The following KCNMB2 variants were observed in gnomAD, a reference collection of about 807,000 sequenced individuals.
KCNMB2 encodes the protein potassium calcium-activated channel subfamily M regulatory beta subunit 2, also known as calcium-activated potassium channel subunit beta-2.
A neutral mutation model predicts 24.5 loss-of-function variants in KCNMB2; 9 were observed. That is an observed-to-expected ratio of 0.37 (90% CI 0.22 to 0.64). KCNMB2 has a LOEUF of 0.64. Among genes scored for constraint, KCNMB2 ranks in the 30% least tolerant of loss-of-function variants. The pLI is 0.63. For missense variants in KCNMB2, 226 were observed against 284.3 expected, an observed-to-expected ratio of 0.79 and a Z score of 1.47; for synonymous variants, 109 against 104.4, an observed-to-expected ratio of 1.04 and a Z score of -0.27.
chr3:178,706,539 T>C (rs1722283710), intron 1 of KCNMB2, among the ~76,000 whole-genome samples: 1 of 151,924 alleles, frequency 6.6e-6, no homozygotes, highest in South Asian at 2.1e-4. Flanking sequence ...CTTTCTAATC[T>C]CCAAACTTTC....
At chr3:178,571,732 GT>G (rs1716808830) in intron 1 of KCNMB2, among the ~76,000 whole-genome samples, 2 of 151,298 alleles carry the variant, frequency 1.3e-5, no homozygotes, top group South Asian at 4.2e-4. Context: ...CCCTCCCTGT[GT>G]CCACGTGTTT....
At chr3:178,698,464 C>G (rs1038972023) in intron 1 of KCNMB2, among the ~76,000 whole-genome samples, 2 of 152,194 alleles carry the variant, frequency 1.3e-5, no homozygotes, top group African/African-American at 4.8e-5. Flanking sequence ...TTAGCCCTAT[C>G]TGGTCAGTTA....
intron 1 of KCNMB2, among the ~76,000 whole-genome samples, chr3:178,794,875 G>A (rs1245898844): frequency 2.6e-5 from 4 of 152,134 alleles, no homozygotes; most frequent in Non-Finnish European, 4.4e-5. Context: ...GGACAAATGA[G>A]GCCACATCTG....
chr3:178,739,588 T>A (rs1270193084), intron 1 of KCNMB2, among the ~76,000 whole-genome samples: 4 of 152,186 alleles, frequency 2.6e-5, no homozygotes, highest in Non-Finnish European at 5.9e-5. Context: ...TTCCTTGAAT[T>A]CAAGAGTGAT....
intron 1 of KCNMB2, among the ~76,000 whole-genome samples, chr3:178,705,075 C>A (rs552369003): frequency 3.5e-4 from 54 of 152,204 alleles, no homozygotes; most frequent in Non-Finnish European, 6.8e-4. Context: ...CCCAGACTCT[C>A]TCCCATAAAT....
At chr3:178,759,316 GATAT>G (rs775862765) in intron 1 of KCNMB2, among the ~76,000 whole-genome samples, 5,622 of 57,854 alleles carry the variant, frequency 0.097, 1,007 homozygotes, top group Non-Finnish European at 0.12. Flanking sequence ...TCTCCAAGAG[GATAT>G]ATATATATAT....
intron 1 of KCNMB2, among the ~76,000 whole-genome samples, chr3:178,612,692 C>T (rs1462694419): frequency 6.6e-6 from 1 of 151,988 alleles, no homozygotes; most frequent in Non-Finnish European, 1.5e-5. Flanking sequence ...TCTGTTCAGC[C>T]AGTCTATGTC....
intron 1 of KCNMB2, among the ~76,000 whole-genome samples, chr3:178,660,906 C>T (rs1214008089): frequency 6.6e-6 from 1 of 152,018 alleles, no homozygotes; most frequent in Non-Finnish European, 1.5e-5. Flanking sequence ...CAGACAGATC[C>T]TTCTATGTCC....
intron 1 of KCNMB2, among the ~76,000 whole-genome samples, chr3:178,537,812 C>T (rs576083674): frequency 1.3e-5 from 2 of 152,278 alleles, no homozygotes; most frequent in South Asian, 4.1e-4. Context: ...ACTTCACAAA[C>T]TCCGAGCTGT....
At chr3:178,776,310 A>G (rs1210017536) in intron 1 of KCNMB2, among the ~76,000 whole-genome samples, 1 of 152,160 alleles carries the variant, frequency 6.6e-6, no homozygotes, top group Admixed American at 6.6e-5. Context: ...CACTCTCTTT[A>G]GTCTAATCAG....
At chr3:178,821,386 G>A (rs1272520258) in intron 2 of KCNMB2, among the ~76,000 whole-genome samples, 2 of 152,122 alleles carry the variant, frequency 1.3e-5, no homozygotes, top group African/African-American at 2.4e-5. Flanking sequence ...GTCTCAGGCT[G>A]TGAACACCCT....
At chr3:178,839,407 CAGAG>C (rs1304488414) in intron 4 of KCNMB2, among the ~76,000 whole-genome samples, 1 of 151,862 alleles carries the variant, frequency 6.6e-6, no homozygotes, top group Non-Finnish European at 1.5e-5. Context: ...GGAAGAGGAA[CAGAG>C]AGAAAGATTT....
intron 1 of KCNMB2, among the ~76,000 whole-genome samples, chr3:178,570,107 G>A (rs1290932811): frequency 6.6e-6 from 1 of 152,084 alleles, no homozygotes; most frequent in African/African-American, 2.4e-5. Context: ...TCCTATGCAT[G>A]TTATTTCTTT....
chr3:178,807,284 A>G lies in KCNMB2; in HGVS notation c.-67-59A>G, dbSNP rs981917978. The stretch of plus-strand genomic sequence containing the variant: ...TGGAATCAAAACCCTGTTGTTATGT[A>G]AGAGTCAATCCACTGAGAGCTATTT... On this transcript the variant is annotated intron_variant, in intron 1 of 4. Coordinates refer to ENST00000452583, the MANE Select transcript of KCNMB2 (RefSeq NM_181361.3). The G allele has an allele frequency of 1.9e-5, 13 of 670,660 alleles. No individual in the cohort carries two copies. In the African/African-American group the frequency reaches 2.0e-4, roughly 10 times the overall value. 41.5% of individuals were successfully genotyped at this position (670,660 alleles called of 1,614,324 possible).
chr3:178,806,124 A>G (rs1713957669), intron 1 of KCNMB2, among the ~76,000 whole-genome samples: 1 of 152,184 alleles, frequency 6.6e-6, no homozygotes, highest in Non-Finnish European at 1.5e-5. Flanking sequence ...TGGGAAATGT[A>G]GCAAGTTCTC....
chr3:178,781,608 T>TA (rs1467512321), intron 1 of KCNMB2, among the ~76,000 whole-genome samples: 4 of 150,404 alleles, frequency 2.7e-5, no homozygotes, highest in Non-Finnish European at 5.9e-5. Flanking sequence ...ATAATAATAA[T>TA]ATATATATAC....
At chr3:178,760,707 G>C (rs1224412251) in intron 1 of KCNMB2, among the ~76,000 whole-genome samples, 1 of 151,782 alleles carries the variant, frequency 6.6e-6, no homozygotes, top group Non-Finnish European at 1.5e-5. Flanking sequence ...AGATAAGCAA[G>C]GATGGGTGTA....
In KCNMB2 at chr3:178,807,279, T is replaced by TTTG. The variant is rs1320077836; in HGVS notation, c.-67-64_-67-63insTTG. 168 of 634,368 alleles carry TTTG rather than the reference T, an allele frequency of 2.6e-4. No individual in the cohort carries two copies. The African/African-American group carries it at 2.9e-3, about 11-fold the overall frequency. The allele number at this position is 634,368 out of a possible 1,614,324, so 39.3% of individuals were successfully genotyped here. A position where few individuals can be genotyped will look rare whatever the true frequency, so the allele number is the denominator to read the frequency against. On this transcript the variant is annotated intron_variant, in intron 1 of 4. Transcript: ENST00000452583. ...CCCTATGGAATCAAAACCCTGTTGT[T>TTTG]ATGTAAGAGTCAATCCACTGAGAGC...
intron 1 of KCNMB2, among the ~76,000 whole-genome samples, chr3:178,562,576 T>C (rs1420071693): frequency 6.6e-6 from 1 of 152,238 alleles, no homozygotes; most frequent in Non-Finnish European, 1.5e-5. Flanking sequence ...AACTATACAC[T>C]CTTCAGTAAT....
Sources: gnomAD v4.1 joint callset for allele counts (sites outside exome capture counted in the v4.1 genomes callset) on GRCh38, gnomAD v4.1.1 for gene constraint, MANE v1.5 for transcripts, NCBI Gene and HGNC (gene_info 2026-07-23, HGNC 2026-07-21) for gene names.